Variants in MAPKAP1 observed in about 807,000 individuals in gnomAD.
MAPKAP1 encodes MAPK associated protein 1, also known as target of rapamycin complex 2 subunit MAPKAP1.
Under a neutral mutation model 65.7 loss-of-function variants are expected in MAPKAP1, and 20 were observed. The ratio of observed to expected loss-of-function variants is 0.30; its 90% CI spans 0.21 to 0.44. The LOEUF (loss-of-function observed/expected upper bound fraction) is 0.44, where lower values mean the gene tolerates loss of function less well. Ranked by LOEUF, MAPKAP1 falls within the 20% of genes least tolerant of loss-of-function variation. The pLI is 1.00. For synonymous variants in MAPKAP1, 222 were observed against 244.3 expected (o/e 0.91, Z 0.85); for missense variants, 423 against 648.0 (o/e 0.65, Z 3.77).
At chr9:125,554,438 G>A (rs1354646247) in intron 6 of MAPKAP1, among the ~76,000 whole-genome samples, 1 of 152,190 alleles carries the variant, frequency 6.6e-6, no homozygotes, top group Admixed American at 6.5e-5. Context: ...TTGAAACAGG[G>A]AGAGTCCTGG....
rs1831789285 is a variant in MAPKAP1, at chr9:125,586,474, T to C, written c.499-747A>G. Reference sequence around the variant, plus strand: ...ACCTGCTGTTGAGGATACTGCCTCCTCTGCTGTCCTGTTAAAAGAGGACTG... The same window carrying C: ...ACCTGCTGTTGAGGATACTGCCTCCCCTGCTGTCCTGTTAAAAGAGGACTG... On this transcript the variant is annotated intron_variant, in intron 4 of 11. Transcript: ENST00000265960. 2.0e-5 allele frequency among the ~76,000 whole-genome samples: 3 copies of C among 151,866 alleles called. No homozygotes were observed. The South Asian group carries it at 6.2e-4, about 31-fold the overall frequency.
intron 6 of MAPKAP1, among the ~76,000 whole-genome samples, chr9:125,557,895 C>T (rs1475554342): frequency 2.0e-5 from 3 of 152,152 alleles, no homozygotes; most frequent in Non-Finnish European, 4.4e-5. Flanking sequence ...CTCACTTTGT[C>T]GCCCAGGCTG....
intron 1 of MAPKAP1, among the ~76,000 whole-genome samples, chr9:125,684,375 A>G (rs1024272864): frequency 3.9e-5 from 6 of 152,166 alleles, no homozygotes; most frequent in African/African-American, 1.4e-4. Context: ...ACATGGTACA[A>G]TGCACAAGGC....
chr9:125,615,124 A>G (rs914097297), intron 4 of MAPKAP1, among the ~76,000 whole-genome samples: 2 of 152,198 alleles, frequency 1.3e-5, no homozygotes, highest in Non-Finnish European at 2.9e-5. Flanking sequence ...GGAAGACACT[A>G]TAATTTAAAT....
At chr9:125,486,009 C>T (rs1027233700) in intron 8 of MAPKAP1, among the ~76,000 whole-genome samples, 1 of 152,136 alleles carries the variant, frequency 6.6e-6, no homozygotes, top group African/African-American at 2.4e-5. Flanking sequence ...AATCTGGAAG[C>T]TTTGTGAAGG....
At chr9:125,538,493 C>T (rs544439171) in intron 7 of MAPKAP1, among the ~76,000 whole-genome samples, 22 of 152,024 alleles carry the variant, frequency 1.4e-4, no homozygotes, top group African/African-American at 2.2e-4. Context: ...TGCAGGGAAC[C>T]TGCTTTATCT....
At chr9:125,581,281 T>G (rs1027801136) in intron 5 of MAPKAP1, among the ~76,000 whole-genome samples, 1 of 152,260 alleles carries the variant, frequency 6.6e-6, no homozygotes, top group Non-Finnish European at 1.5e-5. Flanking sequence ...ACTGCCAAAG[T>G]ATTTTCCAGA....
chr9:125,479,985 A>G (rs914302283), intron 9 of MAPKAP1, among the ~76,000 whole-genome samples: 7 of 152,126 alleles, frequency 4.6e-5, no homozygotes, highest in Non-Finnish European at 1.5e-5. Flanking sequence ...AAAATAAATT[A>G]TTTACTCGTC....
intron 5 of MAPKAP1, among the ~76,000 whole-genome samples, chr9:125,567,279 T>A (rs575852365): frequency 2.7e-4 from 41 of 152,274 alleles, no homozygotes; most frequent in African/African-American, 9.4e-4. Context: ...CATTCCCAGA[T>A]GGTTAAGGCA....
At chr9:125,680,186 G>T (rs569162929) in intron 1 of MAPKAP1, among the ~76,000 whole-genome samples, 11 of 151,200 alleles carry the variant, frequency 7.3e-5, no homozygotes, top group African/African-American at 2.7e-4. Flanking sequence ...GTCCTTAAAC[G>T]TGTCATAGGA....
intron 7 of MAPKAP1, chr9:125,513,305 T>A (rs1415167965): frequency 6.6e-6 from 1 of 151,566 alleles, no homozygotes; most frequent in Non-Finnish European, 1.5e-5. Flanking sequence ...TTGCTGACCA[T>A]AAGAACAAGT....
At chr9:125,705,625 T>C (rs562847596) in intron 1 of MAPKAP1, among the ~76,000 whole-genome samples, 135 of 152,298 alleles carry the variant, frequency 8.9e-4, no homozygotes, top group African/African-American at 3.2e-3. Flanking sequence ...TATATATACA[T>C]ATCCATATTC....
rs1382716343 is a variant in MAPKAP1, at chr9:125,697,915, T to C, written c.-70+9056A>G. On this transcript the variant is annotated intron_variant, in intron 1 of 11. Transcript: ENST00000265960. Reference sequence around the variant, plus strand: ...TCATATCATAACACTATACCTATAATCAAACACTCTCACAATATAATCAAT... The same window carrying C: ...TCATATCATAACACTATACCTATAACCAAACACTCTCACAATATAATCAAT... 3.3e-5 allele frequency among the ~76,000 whole-genome samples: 5 copies of C among 152,102 alleles called. No individual in the cohort carries two copies. The East Asian group carries it at 9.7e-4, about 29-fold the overall frequency.
Position 125,581,515 on chromosome 9 carries a change from A to G in MAPKAP1, c.671+4040T>C, listed in dbSNP as rs114929951. 4.9e-3 allele frequency among the ~76,000 whole-genome samples: 753 copies of G among 152,244 alleles called. 5 individuals are homozygous for G. Among genetic ancestry groups the G allele is most frequent in the African/African-American group, 0.017 (712 of 41,544 alleles). ...CAGTGATATGTCTGTTTATGCCTTT[A>G]CCCATTTTCTGATCAACCGTCTAAA... On this transcript the variant is annotated intron_variant, in intron 5 of 11. Transcript: ENST00000265960.
intron 4 of MAPKAP1, among the ~76,000 whole-genome samples, chr9:125,638,361 C>T (rs577778270): frequency 9.2e-5 from 14 of 152,238 alleles, no homozygotes; most frequent in African/African-American, 2.9e-4. Context: ...CTGACAGACA[C>T]TGAGAAGGAA....
intron 8 of MAPKAP1, among the ~76,000 whole-genome samples, chr9:125,503,880 CTTTTT>C (rs35867576): frequency 1.7e-4 from 11 of 66,246 alleles, no homozygotes; most frequent in African/African-American, 3.2e-4. Context: ...CCACGCTTGG[CTTTTT>C]TTTTTTTTTT....
intron 9 of MAPKAP1, among the ~76,000 whole-genome samples, chr9:125,479,817 GATGCTGGGCAA>G (rs1304142918): frequency 1.3e-5 from 2 of 152,164 alleles, no homozygotes; most frequent in African/African-American, 4.8e-5. Flanking sequence ...AATCAGCAGG[GATGCTGGGCAA>G]ATGCCACACA....
chr9:125,587,023 C>T (rs1831809134), intron 4 of MAPKAP1, among the ~76,000 whole-genome samples: 1 of 152,180 alleles, frequency 6.6e-6, no homozygotes, highest in African/African-American at 2.4e-5. Flanking sequence ...ACAGTCTTTT[C>T]AACAAATGAT....
chr9:125,680,721 T>C (rs541259169), intron 1 of MAPKAP1, among the ~76,000 whole-genome samples: 13 of 152,286 alleles, frequency 8.5e-5, no homozygotes, highest in Non-Finnish European at 1.3e-4. Context: ...AAATGAAAAA[T>C]TGTATAAATA....
Sources: allele counts gnomAD v4.1 joint callset (sites outside exome capture counted in the v4.1 genomes callset), GRCh38; gene constraint gnomAD v4.1.1; transcripts MANE v1.5; gene names NCBI Gene and HGNC (gene_info 2026-07-23, HGNC 2026-07-21).